Variants in SLC24A2 observed in about 807,000 individuals in gnomAD.
The protein encoded by SLC24A2 is sodium/potassium/calcium exchanger 2.
In SLC24A2, 36 loss-of-function variants were observed where a neutral mutation model predicts 62.0. The ratio of observed to expected loss-of-function variants is 0.58; its 90% CI spans 0.44 to 0.77. The LOEUF (loss-of-function observed/expected upper bound fraction) is 0.77, where lower values mean the gene tolerates loss of function less well. Ranked by LOEUF, SLC24A2 falls within the 30% of genes least tolerant of loss-of-function variation. SLC24A2 has a pLI of 0.00. For synonymous variants in SLC24A2, 358 were observed against 294.0 expected (o/e 1.22, Z -2.23); for missense variants, 846 against 817.9 (o/e 1.03, Z -0.42).
At chr9:19,762,009 G>C (rs1003707165) in intron 2 of SLC24A2, among the ~76,000 whole-genome samples, 5 of 152,092 alleles carry the variant, frequency 3.3e-5, no homozygotes, top group African/African-American at 9.7e-5. Context: ...TAATGGGATG[G>C]CTGGGTCAAA....
At chr9:19,870,607 C>G in the SLC24A2 span, among the ~76,000 whole-genome samples, 18 of 152,070 alleles carry the variant, frequency 1.2e-4, no homozygotes, top group African/African-American at 4.1e-4. Context: ...AGTGGCTGTA[C>G]CATTTTACTA....
the SLC24A2 span, among the ~76,000 whole-genome samples, chr9:20,187,170 C>T: frequency 6.6e-6 from 1 of 152,174 alleles, no homozygotes; most frequent in Non-Finnish European, 1.5e-5. Flanking sequence ...CAGAACCTGG[C>T]TTGGCCCCTA....
chr9:19,642,502 G>C (rs1818526316), intron 2 of SLC24A2, among the ~76,000 whole-genome samples: 1 of 152,048 alleles, frequency 6.6e-6, no homozygotes, highest in South Asian at 2.1e-4. Context: ...AATTTTCCAA[G>C]CTAAGCGTAT....
At chr9:19,574,055 T>C (rs1835936433) in intron 6 of SLC24A2, among the ~76,000 whole-genome samples, 1 of 152,164 alleles carries the variant, frequency 6.6e-6, no homozygotes, top group Admixed American at 6.5e-5. Context: ...CTTCTTCCTC[T>C]GGGACTTGGG....
the SLC24A2 span, among the ~76,000 whole-genome samples, chr9:19,855,094 A>G: frequency 3.3e-5 from 5 of 152,068 alleles, no homozygotes; most frequent in Admixed American, 6.6e-5. Flanking sequence ...CTGTTTTGTC[A>G]GAAACTAAGA....
chr9:19,720,040 T>C (rs977549622), intron 2 of SLC24A2, among the ~76,000 whole-genome samples: 2 of 152,110 alleles, frequency 1.3e-5, no homozygotes, highest in African/African-American at 4.8e-5. Context: ...GGAAGTGACA[T>C]AAATGAATGA....
intron 8 of SLC24A2, 59 bp downstream of exon 8, chr9:19,550,078 G>A (rs1834768681): frequency 5.1e-6 from 8 of 1,553,778 alleles, no homozygotes; most frequent in Non-Finnish European, 7.1e-6. Flanking sequence ...AGCAGACTAT[G>A]CACCCTGTTA....
At chr9:19,946,783 C>T in the SLC24A2 span, among the ~76,000 whole-genome samples, 1 of 152,234 alleles carries the variant, frequency 6.6e-6, no homozygotes, top group Non-Finnish European at 1.5e-5. Context: ...ACACACAAAA[C>T]ACAAAGATTG....
chr9:19,830,148 C>A, the SLC24A2 span, among the ~76,000 whole-genome samples: 1 of 152,026 alleles, frequency 6.6e-6, no homozygotes, highest in African/African-American at 2.4e-5. Context: ...GCCATGCAGG[C>A]CTTGAGGCCA....
At chr9:19,810,126 G>C in the SLC24A2 span, among the ~76,000 whole-genome samples, 3 of 152,186 alleles carry the variant, frequency 2.0e-5, no homozygotes, top group South Asian at 6.2e-4. Context: ...GAGAGAGTAA[G>C]TGGTATACTG....
chr9:19,592,337 G>A (rs1335491586), intron 5 of SLC24A2, among the ~76,000 whole-genome samples: 1 of 152,128 alleles, frequency 6.6e-6, no homozygotes, highest in Admixed American at 6.6e-5. Context: ...AATGAACAAG[G>A]ATTGACTTTT....
the SLC24A2 span, among the ~76,000 whole-genome samples, chr9:20,290,742 C>T: frequency 6.6e-6 from 1 of 152,176 alleles, no homozygotes; most frequent in South Asian, 2.1e-4. Flanking sequence ...AATCTGAAAG[C>T]TGTGGAAGTC....
At chr9:20,169,562 T>C in the SLC24A2 span, among the ~76,000 whole-genome samples, 24 of 152,060 alleles carry the variant, frequency 1.6e-4, no homozygotes, top group Non-Finnish European at 3.2e-4. Context: ...TGCTGGGTGA[T>C]TGGATCCAGA....
At chr9:20,184,348 G>T in the SLC24A2 span, among the ~76,000 whole-genome samples, 1 of 152,084 alleles carries the variant, frequency 6.6e-6, no homozygotes, top group African/African-American at 2.4e-5. Flanking sequence ...CAAGAGAAAC[G>T]AGACCATCCT....
chr9:19,534,708 A>G (rs1221048313), intron 8 of SLC24A2, among the ~76,000 whole-genome samples: 1 of 152,232 alleles, frequency 6.6e-6, no homozygotes, highest in Non-Finnish European at 1.5e-5. Flanking sequence ...TTATGGCTGC[A>G]TAATACTCCA....
At chr9:19,913,009 G>A in the SLC24A2 span, among the ~76,000 whole-genome samples, 1 of 151,978 alleles carries the variant, frequency 6.6e-6, no homozygotes, top group Non-Finnish European at 1.5e-5. Flanking sequence ...TATGACTCAG[G>A]TCTCCTGGTT....
At chr9:19,687,881 A>C (rs1819930707) in intron 2 of SLC24A2, among the ~76,000 whole-genome samples, 1 of 151,976 alleles carries the variant, frequency 6.6e-6, no homozygotes, top group South Asian at 2.1e-4. Context: ...GCGTTACTTA[A>C]ATGTTAATTC....
intron 2 of SLC24A2, among the ~76,000 whole-genome samples, chr9:19,719,464 C>T (rs1166811995): frequency 1.3e-5 from 2 of 152,140 alleles, no homozygotes; most frequent in East Asian, 1.9e-4. Context: ...AACCATATTG[C>T]TTCCTAGACT....
the SLC24A2 span, among the ~76,000 whole-genome samples, chr9:20,236,088 A>G: frequency 6.6e-6 from 1 of 152,220 alleles, no homozygotes; most frequent in South Asian, 2.1e-4. Context: ...AACCCAGCAC[A>G]GCAAATGAGA....
Sources: gnomAD v4.1 joint callset for allele counts (sites outside exome capture counted in the v4.1 genomes callset) on GRCh38, gnomAD v4.1.1 for gene constraint, MANE v1.5 for transcripts, NCBI Gene and HGNC (gene_info 2026-07-23, HGNC 2026-07-21) for gene names.